Variants in PLEKHG5 observed in about 807,000 individuals in gnomAD.
The protein encoded by PLEKHG5 is pleckstrin homology domain-containing family G member 5.
In PLEKHG5, 52 loss-of-function variants were observed where a neutral mutation model predicts 103.8. The observed-to-expected ratio is 0.50, with a 90% CI of 0.40 to 0.63. The LOEUF is 0.63. Among genes scored for constraint, PLEKHG5 ranks in the 30% least tolerant of loss-of-function variants. PLEKHG5 has a pLI of 0.00. For missense variants in PLEKHG5, 1,205 were observed against 1,347.6 expected (o/e 0.89, Z 1.66); for synonymous variants, 592 against 575.5 (o/e 1.03, Z -0.41).
rs552828624 is a variant in PLEKHG5, at chr1:6,486,089, C to T, written c.-88+5548G>A. On this transcript the variant is annotated intron_variant, in intron 1 of 20. Transcript: ENST00000377728. This position sits in a 1 kb window ranked among gnomAD's most constrained non-coding sequence, Gnocchi z 5.3. ...CCCCACCTCACCCTCAGCGCCAACA[C>T]GCACGGTCCCTCCCAGCCAGAAGGG... 95 of 158,158 alleles carry T rather than the reference C, an allele frequency of 6.0e-4. 2 individuals carry two copies. In the South Asian group the frequency reaches 0.019, roughly 32 times the overall value. The allele number at this position is 158,158 out of a possible 1,614,324, so 9.8% of individuals were successfully genotyped here. A position where few individuals can be genotyped will look rare whatever the true frequency, so the allele number is the denominator to read the frequency against.
intron 1 of PLEKHG5, among the ~76,000 whole-genome samples, chr1:6,483,549 C>A (rs1173587392): frequency 6.6e-6 from 1 of 152,204 alleles, no homozygotes; most frequent in Non-Finnish European, 1.5e-5. Flanking sequence ...CTTGTAGTCC[C>A]AGCTACTTGG....
chr1:6,497,133 AG>A, upstream of PLEKHG5: 1 of 1,105,668 alleles, frequency 9.0e-7, no homozygotes, highest in African/African-American at 1.6e-5. This position sits in a 1 kb window ranked among gnomAD's most constrained non-coding sequence, Gnocchi z 6.1. Flanking sequence ...AGGCGGGGGG[AG>A]GGAGGAGAAG....
chr1:6,498,342 A>G (rs1645256664), upstream of PLEKHG5, among the ~76,000 whole-genome samples: 13 of 152,198 alleles, frequency 8.5e-5, no homozygotes, highest in South Asian at 2.3e-3. Flanking sequence ...GCCTCCCTGC[A>G]TGGACTCCTT....
chr1:6,473,377 G>A lies in PLEKHG5; in HGVS notation c.669C>T (p.Pro223=). 6.5e-7 allele frequency: 1 copy of A among 1,548,056 alleles called. No individual in the cohort carries two copies. Among genetic ancestry groups the A allele is most frequent in the Non-Finnish European group, 8.7e-7 (1 of 1,145,940 alleles). ...TGCCGCTGGGCAGAGAGCAGCTGGAGGGCGTGGGGGGCTCCTGCCCGGGGA... is the reference window on the plus strand; with the variant it reads ...TGCCGCTGGGCAGAGAGCAGCTGGAAGGCGTGGGGGGCTCCTGCCCGGGGA... The part of the protein sequence containing the change: ...ASIPGQEPPT[P]SSCSLPSGSS... Residue 223 remains proline, a synonymous_variant, in exon 8 of 21, where the codon CCC becomes CCT. Coordinates refer to ENST00000377728, the MANE Select transcript of PLEKHG5 (RefSeq NM_020631.6).
rs148828075 is a variant in PLEKHG5 at position 6,507,061 on chromosome 1, G to C, written c.-164-10492C>G. ...GAAGAAAAAGCGAGCGGACAGGCGG[G>C]GAAATGAAAAGCCACTGGTCAGTTG... On this transcript the variant is annotated intron_variant, in intron 1 of 21. Coordinates refer to the PLEKHG5 transcript ENST00000377740. Among the ~76,000 whole-genome samples the C allele has an allele frequency of 9.4e-3, 1,432 of 152,300 alleles. 21 individuals carry two copies. The highest frequency in any genetic ancestry group is 0.032 in the African/African-American group (1,343 of 41,542).
intron 1 of PLEKHG5, among the ~76,000 whole-genome samples, chr1:6,513,288 G>C (rs910041974): frequency 6.6e-6 from 1 of 152,228 alleles, no homozygotes; most frequent in African/African-American, 2.4e-5. Flanking sequence ...ATACCCCAAG[G>C]CTTGGTCCAG....
chr1:6,493,631 G>A (rs529547765), upstream of PLEKHG5, among the ~76,000 whole-genome samples: 32 of 152,184 alleles, frequency 2.1e-4, no homozygotes, highest in African/African-American at 7.5e-4. Flanking sequence ...AAACATGTTC[G>A]GTCAGCAATA....
At chr1:6,518,559 C>CA (rs772093142) in intron 1 of PLEKHG5, among the ~76,000 whole-genome samples, 1 of 68,096 alleles carries the variant, frequency 1.5e-5, no homozygotes, top group African/African-American at 5.2e-5. Context: ...AACTCCATCC[C>CA]AAAAAAAAAA....
chr1:6,512,668 C>A (rs1158604661), intron 1 of PLEKHG5, among the ~76,000 whole-genome samples: 1 of 152,254 alleles, frequency 6.6e-6, no homozygotes, highest in East Asian at 1.9e-4. Flanking sequence ...GGATGTCTTT[C>A]AGTGCCATCA....
intron 10 of PLEKHG5, among the ~76,000 whole-genome samples, chr1:6,472,167 A>T (rs2986752): frequency 0.012 from 1,876 of 152,306 alleles, 45 homozygotes; most frequent in African/African-American, 0.042. Flanking sequence ...CTCCAAGCCC[A>T]GGGTAGGTGC....
intron 1 of PLEKHG5, among the ~76,000 whole-genome samples, chr1:6,484,941 C>T (rs1644990165): frequency 6.6e-6 from 1 of 152,162 alleles, no homozygotes; most frequent in African/African-American, 2.4e-5. Flanking sequence ...AGGGCTGGGG[C>T]CAGAGGCACA....
rs1644752455 is a variant in PLEKHG5 at position 6,475,890 on chromosome 1, G to A, written c.149+41C>T. On this transcript the variant is annotated intron_variant, in intron 3 of 20. Transcript: ENST00000377728. ...TGTCTGATCTGAGACCCAGCCGTGG[G>A]GCCCTCCAGGTATCTCTCTGCCCAC... 2.7e-6 allele frequency: 4 copies of A among 1,506,090 alleles called. No homozygotes were observed. The South Asian group carries it at 3.4e-5, about 13-fold the overall frequency. 93.3% of individuals were successfully genotyped at this position (1,506,090 alleles called of 1,614,324 possible).
At chr1:6,467,657 C>T (rs1390332009) in intron 20 of PLEKHG5, 85 bp from the exon 21 acceptor site, 10 of 1,497,640 alleles carry the variant, frequency 6.7e-6, no homozygotes, top group Middle Eastern at 1.7e-4. Context: ...CCACGGCACT[C>T]CTCAGGCCCC....
upstream of PLEKHG5, among the ~76,000 whole-genome samples, chr1:6,495,021 C>CCCCTGCCTGAGCAGCTTGAGGA (rs1645201940): frequency 5.9e-5 from 9 of 152,372 alleles, no homozygotes; most frequent in South Asian, 1.9e-3. Flanking sequence ...CCCACCCCTG[C>CCCCTGCCTGAGCAGCTTGAGGA]CCCTGCCTGA....
upstream of PLEKHG5, among the ~76,000 whole-genome samples, chr1:6,500,814 C>T (rs1484210283): frequency 6.6e-6 from 1 of 152,166 alleles, no homozygotes; most frequent in Non-Finnish European, 1.5e-5. Context: ...CCCAGCTGCC[C>T]TCCTGGCTCC....
chr1:6,472,617 C>A lies in PLEKHG5; in HGVS notation c.990G>T (p.Leu330=), dbSNP rs2148587274. ...WRELIDGHEK[L]TRRQCHQQEA... is the part of the protein sequence containing the mutation. Reference sequence around the variant, plus strand: ...CCTGCTGGTGGCACTGCCGCCGGGTCAGCTTCTAGAGGGAGGGCAGGATGG... The same window carrying A: ...CCTGCTGGTGGCACTGCCGCCGGGTAAGCTTCTAGAGGGAGGGCAGGATGG... Residue 330 remains leucine (L), a synonymous_variant, in exon 10 of 21, where the codon CTG becomes CTT. Coordinates refer to ENST00000377728, the MANE Select transcript of PLEKHG5 (RefSeq NM_020631.6). 6.2e-7 allele frequency: 1 copy of A among 1,611,652 alleles called. No individual in the cohort carries two copies. Among genetic ancestry groups the A allele is most frequent in the South Asian group, 1.1e-5 (1 of 90,634 alleles).
In PLEKHG5 at chr1:6,470,822, G is replaced by A. The variant is rs368630744; in HGVS notation, c.1455C>T (p.His485=). 11 of 1,578,358 alleles carry A rather than the reference G, an allele frequency of 7.0e-6. No homozygotes were observed. The African/African-American group carries it at 1.3e-4, about 19-fold the overall frequency. ...GCAGCGGGTACTTGGTGAGCCGCTG[G>A]TGGGGTTTGGCCAGCATGTCGCTCA... The part of the protein sequence containing the change: ...LKLSDMLAKP[H]QRLTKYPLLL... The change falls in exon 14 of 21, where the codon CAC becomes CAT. Residue 485 remains histidine, a synonymous_variant. Coordinates refer to ENST00000377728, the MANE Select transcript of PLEKHG5 (RefSeq NM_020631.6).
rs1308156836 is a variant in PLEKHG5 at position 6,505,317 on chromosome 1, C to T, written c.-164-8748G>A. Among the ~76,000 whole-genome samples the T allele has an allele frequency of 6.6e-6, 1 of 152,120 alleles. No individual in the cohort carries two copies. Among genetic ancestry groups the T allele is most frequent in the Non-Finnish European group, 1.5e-5 (1 of 68,008 alleles). On this transcript the variant is annotated intron_variant, in intron 1 of 21. Coordinates refer to the PLEKHG5 transcript ENST00000377740. This position sits in a 1 kb window ranked among gnomAD's most constrained non-coding sequence, Gnocchi z 4.2. The stretch of plus-strand genomic sequence containing the variant: ...ATGCCGACCAGCCTACGGTGCCGAC[C>T]AGCTGAGCTGAGCGGACAGAATGGG...
At chr1:6,478,461 G>A (rs1023723280) in intron 1 of PLEKHG5, among the ~76,000 whole-genome samples, 1 of 151,960 alleles carries the variant, frequency 6.6e-6, no homozygotes, top group African/African-American at 2.4e-5. Flanking sequence ...GAGCTGCCAC[G>A]CCCAGCCTTA....
Sources: allele counts gnomAD v4.1 joint callset (sites outside exome capture counted in the v4.1 genomes callset), GRCh38; gene constraint gnomAD v4.1.1; non-coding constraint Gnocchi (gnomAD v3.1); transcripts MANE v1.5; gene names NCBI Gene and HGNC (gene_info 2026-07-23, HGNC 2026-07-21).